The following CASZ1 variants were observed in gnomAD, a reference collection of about 807,000 sequenced individuals.
The protein encoded by CASZ1 is castor zinc finger 1, also known as zinc finger protein castor homolog 1.
A neutral mutation model predicts 135.2 loss-of-function variants in CASZ1; 28 were observed. That is an observed-to-expected ratio of 0.21 (90% CI 0.15 to 0.28). The LOEUF (loss-of-function observed/expected upper bound fraction) is 0.28, where lower values mean the gene tolerates loss of function less well. Among genes scored for constraint, CASZ1 ranks in the 10% least tolerant of loss-of-function variants. The probability of loss-of-function intolerance (pLI) is 1.00; values close to 1 mark genes in which losing one functional copy is unlikely to be tolerated. For synonymous variants in CASZ1, 1,068 were observed against 1,073.4 expected (o/e 0.99, Z 0.10); for missense variants, 2,161 against 2,453.3 (o/e 0.88, Z 2.52).
chr1:10,743,382 C>T (rs1272822350), intron 2 of CASZ1, among the ~76,000 whole-genome samples: 2 of 148,112 alleles, frequency 1.4e-5, no homozygotes, highest in African/African-American at 4.9e-5. Context: ...CCCACTCAGA[C>T]CCATCGGTTC....
chr1:10,672,294 C>T (rs1643431492), intron 4 of CASZ1, among the ~76,000 whole-genome samples: 1 of 148,914 alleles, frequency 6.7e-6, no homozygotes, highest in Non-Finnish European at 1.5e-5. Flanking sequence ...CTCCAACATG[C>T]CCCGCGCCCG....
At chr1:10,702,731 G>T (rs1306926511) in intron 3 of CASZ1, among the ~76,000 whole-genome samples, 1 of 152,186 alleles carries the variant, frequency 6.6e-6, no homozygotes, top group Admixed American at 6.5e-5. Context: ...CTGCCAGCGG[G>T]GGAAGTGGCC....
chr1:10,673,473 ACTCT>A (rs1010719858), intron 4 of CASZ1, among the ~76,000 whole-genome samples: 1 of 151,290 alleles, frequency 6.6e-6, no homozygotes, highest in Non-Finnish European at 1.5e-5. Context: ...ACGCACACAC[ACTCT>A]CTCGCACTCT....
At chr1:10,702,159 C>T (rs1219637768) in intron 3 of CASZ1, among the ~76,000 whole-genome samples, 51 of 152,218 alleles carry the variant, frequency 3.4e-4, no homozygotes, top group Admixed American at 3.3e-3. Context: ...CGCTTCCTTG[C>T]CTGCTGGGAG....
chr1:10,768,067 C>G (rs1209991015), intron 1 of CASZ1, among the ~76,000 whole-genome samples: 1 of 152,224 alleles, frequency 6.6e-6, no homozygotes, highest in Non-Finnish European at 1.5e-5. Context: ...GAGGCCTGCA[C>G]AGGATTCAGG....
In CASZ1 at chr1:10,653,547, G is replaced by A. The variant is rs1180085211; in HGVS notation, c.2510C>T (p.Pro837Leu). 3.1e-6 allele frequency: 5 copies of A among 1,592,506 alleles called. No homozygotes were observed. In the East Asian group the frequency reaches 6.7e-5, roughly 21 times the overall value. The change falls in exon 11 of 21, where the codon CCC becomes CTC. Residue 837 changes from proline (P) to leucine (L), a missense_variant. By Grantham distance (98) the Pro-to-Leu change is moderately conservative (BLOSUM62 -3). This residue lies in a region of CASZ1 where 406 missense variants were observed against 387.6 expected (regional missense o/e 1.05). Coordinates refer to ENST00000377022, the MANE Select transcript of CASZ1 (RefSeq NM_001079843.3). ...GSAASATPDTPTLVASGAGDS... is the reference protein window; with the variant it reads ...GSAASATPDTLTLVASGAGDS... ...TCCAGCTCCCGAGGCGACCAGCGTG[G>A]GTGTGTCAGGGGTGGCTGAGGCTGC...
chr1:10,649,135 G>A lies in CASZ1; in HGVS notation c.3093C>T (p.Phe1031=). 2 of 1,613,790 alleles carry A rather than the reference G, an allele frequency of 1.2e-6. No homozygotes were observed. Among genetic ancestry groups the A allele is most frequent in the Middle Eastern group, 1.7e-4 (1 of 6,056 alleles). ...CGCCGCATTCCTCCACCACGCAGTG[G>A]AAGTGGGCCTTGTGGAGGAAGTCAC... ...GQCDFLHKAH[F]HCVVEECGAL... The change falls in exon 15 of 21, where the codon TTC becomes TTT. Residue 1031 remains phenylalanine, a synonymous_variant. Transcript: ENST00000377022.
rs1242608982 is a variant in CASZ1 at position 10,709,234 on chromosome 1, C to G, written c.-76-3690G>C. 6.6e-6 allele frequency among the ~76,000 whole-genome samples: 1 copy of G among 152,172 alleles called. No homozygotes were observed. Among genetic ancestry groups the G allele is most frequent in the Non-Finnish European group, 1.5e-5 (1 of 68,012 alleles). On this transcript the variant is annotated intron_variant, in intron 2 of 20. Transcript: ENST00000377022. The surrounding 1 kb of genome is among the most constrained non-coding windows in gnomAD (Gnocchi z 5.1). ...TACCTGCTCCCCAGGCCTCCCGGGG[C>G]CATGGGGGCTCGGGGCAGCTGTCGG...
At chr1:10,645,989 A>C in intron 17 of CASZ1, 139 bp downstream of exon 17, 2 of 824,512 alleles carry the variant, frequency 2.4e-6, no homozygotes, top group Non-Finnish European at 3.9e-6. Context: ...TGCTCTTTCC[A>C]GAGTCCGGGA....
intron 2 of CASZ1, among the ~76,000 whole-genome samples, chr1:10,723,069 T>C (rs1405663445): frequency 6.6e-6 from 1 of 152,178 alleles, no homozygotes; most frequent in Non-Finnish European, 1.5e-5. Flanking sequence ...GTGCGCATCA[T>C]GGCGCCAGGA....
chr1:10,794,842 G>A lies in CASZ1; in HGVS notation c.-234+1722C>T, dbSNP rs1290812604. Among the ~76,000 whole-genome samples the A allele has an allele frequency of 6.6e-6, 1 of 151,866 alleles. No homozygotes were observed. Among genetic ancestry groups the A allele is most frequent in the Non-Finnish European group, 1.5e-5 (1 of 67,922 alleles). On this transcript the variant is annotated intron_variant, in intron 1 of 20. Transcript: ENST00000377022. This position sits in a 1 kb window ranked among gnomAD's most constrained non-coding sequence, Gnocchi z 5.6. Reference sequence around the variant, plus strand: ...TTCGCGGAGGAGCTTCCAGCGCCGGGGACAGACATTCGCCCAAACGCTCCG... The same window carrying A: ...TTCGCGGAGGAGCTTCCAGCGCCGGAGACAGACATTCGCCCAAACGCTCCG...
chr1:10,666,717 TG>T lies in CASZ1; in HGVS notation c.17-1147del, dbSNP rs927403435. Among the ~76,000 whole-genome samples the T allele has an allele frequency of 4.6e-5, 7 of 152,196 alleles. No homozygotes were observed. Among genetic ancestry groups the T allele is most frequent in the Middle Eastern group, 3.4e-3 (1 of 292 alleles). On this transcript the variant is annotated intron_variant, in intron 4 of 20. Transcript: ENST00000377022. The surrounding 1 kb of genome is among the most constrained non-coding windows in gnomAD (Gnocchi z 5.2). ...GTCCCTGATAGGGCACCGAGGGTCC[TG>T]GGGGGGCATACGGCAAGCCCACCCA...
At chr1:10,683,599 T>C (rs1638495864) in intron 4 of CASZ1, among the ~76,000 whole-genome samples, 1 of 152,182 alleles carries the variant, frequency 6.6e-6, no homozygotes, top group African/African-American at 2.4e-5. Context: ...ACCTGTCTCC[T>C]AGGAGAATGC....
At chr1:10,687,394 C>T (rs1638628351) in intron 4 of CASZ1, among the ~76,000 whole-genome samples, 1 of 152,236 alleles carries the variant, frequency 6.6e-6, no homozygotes, top group African/African-American at 2.4e-5. Flanking sequence ...GTGATTACAG[C>T]ACCAGCAGGG....
At chr1:10,691,099 CTCTT>C (rs1638753279) in intron 4 of CASZ1, among the ~76,000 whole-genome samples, 1 of 106,846 alleles carries the variant, frequency 9.4e-6, no homozygotes, top group South Asian at 3.1e-4. Flanking sequence ...CTCCCTCCCT[CTCTT>C]TCCTTTTTTT....
At chr1:10,746,523 A>G (rs963583947) in intron 2 of CASZ1, among the ~76,000 whole-genome samples, 6 of 152,182 alleles carry the variant, frequency 3.9e-5, no homozygotes, top group Non-Finnish European at 8.8e-5. Flanking sequence ...TCCCAGCCCC[A>G]TGGCTTCAGA....
rs1398206066 is a variant in CASZ1 at position 10,747,700 on chromosome 1, C to T, written c.-77+13001G>A. Among the ~76,000 whole-genome samples, 2 of 152,154 alleles carry T rather than the reference C, an allele frequency of 1.3e-5. No individual in the cohort carries two copies. The highest frequency in any genetic ancestry group is 2.9e-5 in the Non-Finnish European group (2 of 68,028). ...CCACACTGAAGACCCCCACTCTGCT[C>T]TCTTGTGGGTCACTGCAGCTGCCTG... is the stretch of plus-strand genomic sequence containing the variant. On this transcript the variant is annotated intron_variant, in intron 2 of 20. Coordinates refer to ENST00000377022, the MANE Select transcript of CASZ1 (RefSeq NM_001079843.3). This position sits in a 1 kb window ranked among gnomAD's most constrained non-coding sequence, Gnocchi z 4.3.
chr1:10,703,375 C>T (rs554713050), intron 3 of CASZ1, among the ~76,000 whole-genome samples: 2 of 152,104 alleles, frequency 1.3e-5, no homozygotes, highest in Admixed American at 1.3e-4. Context: ...TGGTTCCCAC[C>T]CACCACCTAT....
intron 18 of CASZ1, among the ~76,000 whole-genome samples, chr1:10,644,184 T>G (rs1376575598): frequency 1.3e-5 from 2 of 152,118 alleles, no homozygotes; most frequent in African/African-American, 4.8e-5. Flanking sequence ...CTGGGCGGCC[T>G]GGCTCCCGCC....
Sources: allele counts gnomAD v4.1 joint callset (sites outside exome capture counted in the v4.1 genomes callset), GRCh38; gene constraint gnomAD v4.1.1; regional missense constraint gnomAD v4.1.1; non-coding constraint Gnocchi (gnomAD v3.1); transcripts MANE v1.5; gene names NCBI Gene and HGNC (gene_info 2026-07-23, HGNC 2026-07-21).